The following SCN11A variants were observed in gnomAD, a reference collection of about 807,000 sequenced individuals.
SCN11A encodes sodium voltage-gated channel alpha subunit 11, also known as sodium channel protein type 11 subunit alpha.
Under a neutral mutation model 162.2 loss-of-function variants are expected in SCN11A, and 122 were observed. The ratio of observed to expected loss-of-function variants is 0.75; its 90% CI spans 0.65 to 0.87. The LOEUF (loss-of-function observed/expected upper bound fraction) is 0.87, where lower values mean the gene tolerates loss of function less well. Ranked by LOEUF, SCN11A falls within the 40% of genes least tolerant of loss-of-function variation. The probability of loss-of-function intolerance (pLI) is 0.00; values close to 1 mark genes in which losing one functional copy is unlikely to be tolerated. For missense variants in SCN11A, 2,015 were observed against 2,181.6 expected (o/e 0.92, Z 1.52); for synonymous variants, 758 against 751.5 (o/e 1.01, Z -0.14).
In SCN11A at chr3:38,888,788, T is replaced by G. The variant is rs555000784; in HGVS notation, c.2836-2550A>C. ...TAAGAACAGCAGAAATTGATGACAC[T>G]TAAGCCATGATCTGACCTCTCCCCC... On this transcript the variant is annotated intron_variant, in intron 19 of 29. Transcript: ENST00000302328. Among the ~76,000 whole-genome samples, 80 of 152,254 alleles carry G rather than the reference T, an allele frequency of 5.3e-4. 1 individual carries two copies. The highest frequency in any genetic ancestry group is 1.2e-3 in the Admixed American group (19 of 15,292).
In SCN11A at chr3:38,924,370, T is replaced by G. The variant is rs553502657; in HGVS notation, c.712+1045A>C. ...GAGATTAAAGGTACTCACCACCACA[T>G]CTAACTAATTTTTTTTTTTTCTGAG... On this transcript the variant is annotated intron_variant, in intron 9 of 29. Coordinates refer to ENST00000302328, the MANE Select transcript of SCN11A (RefSeq NM_001349253.2). Among the ~76,000 whole-genome samples, 28 of 149,094 alleles carry G rather than the reference T, an allele frequency of 1.9e-4. No homozygotes were observed. The South Asian group carries it at 5.9e-3, about 31-fold the overall frequency.
intron 1 of SCN11A, among the ~76,000 whole-genome samples, chr3:39,045,094 C>G (rs1336641010): frequency 6.6e-6 from 1 of 151,988 alleles, no homozygotes; most frequent in Admixed American, 6.6e-5. Context: ...AAAATTGGAT[C>G]GGGAAGAAAT....
At chr3:39,050,986 A>G (rs1158839823) in intron 1 of SCN11A, among the ~76,000 whole-genome samples, 1 of 152,184 alleles carries the variant, frequency 6.6e-6, no homozygotes, top group Non-Finnish European at 1.5e-5. Flanking sequence ...AGCTCTTATA[A>G]TTAGTGGTCA....
At chr3:38,938,537 TATATATATA>T (rs2066382753) in intron 7 of SCN11A, among the ~76,000 whole-genome samples, 3 of 23,934 alleles carry the variant, frequency 1.3e-4, no homozygotes, top group African/African-American at 4.6e-4. Flanking sequence ...TATATATATA[TATATATATA>T]TATATTTTTT....
intron 2 of SCN11A, among the ~76,000 whole-genome samples, chr3:38,978,000 C>G (rs889919871): frequency 1.3e-5 from 2 of 152,238 alleles, no homozygotes; most frequent in African/African-American, 4.8e-5. Context: ...GAAGAACATA[C>G]ATTCACTGAT....
Position 38,907,342 on chromosome 3 carries a change from GTA to G in SCN11A, c.1473+605_1473+606del, listed in dbSNP as rs1211789727. ...TGTGTGTGTGTGTGTGTGTGTGTGT[GTA>G]TATATCTATATATACACACACACAC... On this transcript the variant is annotated intron_variant, in intron 14 of 29. Transcript: ENST00000302328. Among the ~76,000 whole-genome samples the G allele has an allele frequency of 8.2e-4, 26 of 31,778 alleles. 1 individual carries two copies. The highest frequency in any genetic ancestry group is 1.5e-3 in the African/African-American group (26 of 17,772). The allele number at this position is 31,778 out of a possible 152,430, so 20.8% of individuals were successfully genotyped here. A position where few individuals can be genotyped will look rare whatever the true frequency, so the allele number is the denominator to read the frequency against.
At chr3:39,040,823 A>G (rs1403892371) in intron 1 of SCN11A, among the ~76,000 whole-genome samples, 2 of 152,248 alleles carry the variant, frequency 1.3e-5, no homozygotes, top group Admixed American at 1.3e-4. Flanking sequence ...TCACGCCTGT[A>G]ATCCCAGCAC....
At chr3:38,901,663 A>G (rs2065701956) in intron 16 of SCN11A, among the ~76,000 whole-genome samples, 1 of 152,108 alleles carries the variant, frequency 6.6e-6, no homozygotes, top group African/African-American at 2.4e-5. Flanking sequence ...CAGAGGAGGG[A>G]AGTTTTGATG....
chr3:39,020,979 T>G (rs189570286), intron 2 of SCN11A, among the ~76,000 whole-genome samples: 45 of 152,130 alleles, frequency 3.0e-4, no homozygotes, highest in Non-Finnish European at 1.8e-4. Context: ...GGGGAGGAAC[T>G]ATTGCAATAG....
intron 29 of SCN11A, 70 bp from the exon 30 acceptor site, chr3:38,847,812 C>A: frequency 1.0e-6 from 1 of 966,050 alleles, no homozygotes; most frequent in Non-Finnish European, 1.5e-6. Context: ...CTGTCTCCTG[C>A]CTCAGAATCC....
chr3:38,905,077 T>G, intron 15 of SCN11A, 115 bp downstream of exon 15: 1 of 1,323,534 alleles, frequency 7.6e-7, no homozygotes, highest in Non-Finnish European at 1.1e-6. Flanking sequence ...GATGGTACAG[T>G]GGGTTGGTTC....
At position 38,919,796 on chromosome 3, in the gene SCN11A, A is replaced by G. The variant is rs557073468; in HGVS notation, c.959+139T>C. On this transcript the variant is annotated intron_variant, in intron 11 of 29. Coordinates refer to ENST00000302328, the MANE Select transcript of SCN11A (RefSeq NM_001349253.2). ...TTTTTTAATTTAATAACACAAGTCT[A>G]AACATGTTTAGACACATGAAATAAT... 1.0e-5 allele frequency: 7 copies of G among 672,666 alleles called. No individual in the cohort carries two copies. The South Asian group carries it at 1.3e-4, about 13-fold the overall frequency. The allele number at this position is 672,666 out of a possible 1,614,324, so 41.7% of individuals were successfully genotyped here. A position where few individuals can be genotyped will look rare whatever the true frequency, so the allele number is the denominator to read the frequency against.
Position 38,894,895 on chromosome 3 carries a change from C to T in SCN11A, c.2473G>A (p.Gly825Arg), listed in dbSNP as rs1190592867. ...TGGACTTTAGTTTTCCTGGCCTCTCCTTCTAAGTTTCCATTTCTTTCCTCA... is the reference window on the plus strand; with the variant it reads ...TGGACTTTAGTTTTCCTGGCCTCTCTTTCTAAGTTTCCATTTCTTTCCTCA... ...SNEERNGNLE[G>R]EARKTKVQLA... Residue 825 changes from glycine (G) to arginine (R), a missense_variant, in exon 19 of 30, where the codon GGA (glycine) becomes AGA (arginine). Physicochemically the swap from Gly to Arg is moderately radical, Grantham distance 125 (BLOSUM62 -2). Coordinates refer to ENST00000302328, the MANE Select transcript of SCN11A (RefSeq NM_001349253.2). 1 of 1,614,044 alleles carries T rather than the reference C, an allele frequency of 6.2e-7. No individual in the cohort carries two copies. The highest frequency in any genetic ancestry group is 1.3e-5 in the African/African-American group (1 of 74,926).
chr3:38,985,285 G>A (rs532536901), intron 2 of SCN11A, among the ~76,000 whole-genome samples: 62 of 149,916 alleles, frequency 4.1e-4, no homozygotes, highest in East Asian at 4.1e-3. Flanking sequence ...CCGCCACTAC[G>A]CCCGGCTAAT....
intron 28 of SCN11A, among the ~76,000 whole-genome samples, chr3:38,852,236 A>G (rs188625793): frequency 2.4e-4 from 36 of 152,280 alleles, no homozygotes; most frequent in Admixed American, 1.1e-3. Flanking sequence ...TGACTTTCGA[A>G]CCATGTGCTG....
Position 38,946,911 on chromosome 3 carries a change from C to A in SCN11A, c.268-4G>T. ...TTCTGTTTAACACCATAAATGTCTGCAAAACAAAAAAAACAATACAAGAAA... is the reference window on the plus strand; with the variant it reads ...TTCTGTTTAACACCATAAATGTCTGAAAAACAAAAAAAACAATACAAGAAA... On this transcript the variant is annotated splice_region_variant and splice_polypyrimidine_tract_variant and intron_variant, in intron 5 of 29. Transcript: ENST00000302328. 2 of 1,544,038 alleles carry A rather than the reference C, an allele frequency of 1.3e-6. No individual in the cohort carries two copies. Among genetic ancestry groups the A allele is most frequent in the Admixed American group, 3.8e-5 (2 of 52,730 alleles).
chr3:38,911,943 A>G (rs1174499375), intron 11 of SCN11A, among the ~76,000 whole-genome samples: 1 of 152,040 alleles, frequency 6.6e-6, no homozygotes, highest in Non-Finnish European at 1.5e-5. Flanking sequence ...CCTTTTTACC[A>G]AAGATTTTCT....
intron 2 of SCN11A, among the ~76,000 whole-genome samples, chr3:39,031,651 A>G (rs2031755146): frequency 6.6e-6 from 1 of 152,180 alleles, no homozygotes; most frequent in Non-Finnish European, 1.5e-5. Context: ...CATTTTAAGC[A>G]TTCTGAGTCT....
intron 2 of SCN11A, among the ~76,000 whole-genome samples, chr3:38,966,672 C>T (rs927218865): frequency 6.6e-6 from 1 of 152,068 alleles, no homozygotes; most frequent in Non-Finnish European, 1.5e-5. Flanking sequence ...CTACAGTCAC[C>T]CTACTCTGCT....
Sources: allele counts gnomAD v4.1 joint callset (sites outside exome capture counted in the v4.1 genomes callset), GRCh38; gene constraint gnomAD v4.1.1; transcripts MANE v1.5; gene names NCBI Gene and HGNC (gene_info 2026-07-23, HGNC 2026-07-21).